NPHP3: variants seen among roughly 807,000 people sequenced by gnomAD.
The protein encoded by NPHP3 is nephrocystin-3.
In NPHP3, 123 loss-of-function variants were observed where a neutral mutation model predicts 171.9. That is an observed-to-expected ratio of 0.72 (90% CI 0.62 to 0.83). The LOEUF is 0.83. Ranked by LOEUF, NPHP3 falls within the 40% of genes least tolerant of loss-of-function variation. The pLI is 0.00. For synonymous variants in NPHP3, 558 were observed against 579.2 expected (o/e 0.96, Z 0.52); for missense variants, 1,506 against 1,591.9 (o/e 0.95, Z 0.92).
At chr3:132,701,975 G>A (rs1368036067) in intron 9 of NPHP3, among the ~76,000 whole-genome samples, 2 of 152,132 alleles carry the variant, frequency 1.3e-5, no homozygotes, top group African/African-American at 2.4e-5. Context: ...GCAGTGAGCC[G>A]AGACAGTGCC....
chr3:132,705,557 T>A (rs1049036731), intron 8 of NPHP3, 183 bp downstream of exon 8: 10 of 497,854 alleles, frequency 2.0e-5, no homozygotes, highest in East Asian at 1.3e-4. Context: ...ATAAAGATAT[T>A]AATACATGGT....
chr3:132,713,803 A>G (rs1939977062), intron 5 of NPHP3, among the ~76,000 whole-genome samples: 1 of 152,254 alleles, frequency 6.6e-6, no homozygotes, highest in Non-Finnish European at 1.5e-5. Context: ...GTCGTTGGGA[A>G]TAACATTTTC....
rs1194533497 is a variant in NPHP3 at position 132,700,033 on chromosome 3, G to T, written c.1772C>A (p.Ala591Asp). 6.2e-7 allele frequency: 1 copy of T among 1,613,990 alleles called. No homozygotes were observed. Reference protein sequence around the residue: ...KLMQHSWSVSALTLDPAKLLE... With the variant: ...KLMQHSWSVSDLTLDPAKLLE... ...AAGCTTAGCAGGATCCAGTGTCAGA[G>T]CAGAGACTGACCAAGAGTGCTGCAT... is the stretch of plus-strand genomic sequence containing the variant. The change falls in exon 12 of 27, where the codon GCT (alanine) becomes GAT (aspartate). Residue 591 changes from alanine (A) to aspartate (D), a missense_variant. Coordinates refer to ENST00000337331, the MANE Select transcript of NPHP3 (RefSeq NM_153240.5).
Position 132,686,387 on chromosome 3 carries a change from A to G in NPHP3, c.3202T>C (p.Tyr1068His), listed in dbSNP as rs777381620. ...CGTCTACGTAAAAGGGCAAATCCGTACTGCAGCAAACATGAAAAATGAAAA... is the reference window on the plus strand; with the variant it reads ...CGTCTACGTAAAAGGGCAAATCCGTGCTGCAGCAAACATGAAAAATGAAAA... ...QKAIKKKGNL[Y>H]GFALLRRRAL... is the part of the protein sequence containing the mutation. Residue 1068 changes from tyrosine to histidine, a missense_variant and splice_region_variant, in exon 23 of 27, where the codon TAC becomes CAC. By Grantham distance (83) the Tyr-to-His change is moderately conservative. Around this residue, in one of 3 missense-constraint regions of NPHP3, gnomAD observed 569 missense variants for 648.1 expected, o/e 0.88. Transcript: ENST00000337331. 6.2e-7 allele frequency: 1 copy of G among 1,613,996 alleles called. No homozygotes were observed. The highest frequency in any genetic ancestry group is 1.1e-5 in the South Asian group (1 of 91,082).
chr3:132,690,787 AG>A (rs1250946521), intron 18 of NPHP3, 137 bp from the exon 19 acceptor site: 2 of 884,250 alleles, frequency 2.3e-6, no homozygotes, highest in African/African-American at 1.7e-5. Context: ...ATACTAAAAA[AG>A]TTAGGTCAAA....
Position 132,718,998 on chromosome 3 carries a change from G to C in NPHP3, c.666C>G (p.Val222=). The change falls in exon 3 of 27, where the codon GTC becomes GTG. Residue 222 remains valine (V), a synonymous_variant. Coordinates refer to ENST00000337331, the MANE Select transcript of NPHP3 (RefSeq NM_153240.5). ...ESDSDDNCTD[V]TAAGTQCEYW... Reference sequence around the variant, plus strand: ...ATAAATAGGATATACACTTACCAGTGACATCTGTACAGTTGTCATCTGAAT... The same window carrying C: ...ATAAATAGGATATACACTTACCAGTCACATCTGTACAGTTGTCATCTGAAT... 1 of 1,614,070 alleles carries C rather than the reference G, an allele frequency of 6.2e-7. No individual in the cohort carries two copies. Among genetic ancestry groups the C allele is most frequent in the Non-Finnish European group, 8.5e-7 (1 of 1,179,970 alleles).
intron 15 of NPHP3, 44 bp from the exon 16 acceptor site, chr3:132,695,009 C>T (rs763931755): frequency 6.2e-6 from 10 of 1,604,934 alleles, no homozygotes; most frequent in East Asian, 4.5e-5. Flanking sequence ...AGATTGCCAA[C>T]ATCTGTGAAA....
intron 8 of NPHP3, 105 bp downstream of exon 8, chr3:132,705,635 C>A: frequency 1.5e-6 from 1 of 658,196 alleles, no homozygotes; most frequent in South Asian, 1.8e-5. Context: ...TCCTCAGGTA[C>A]TGTGTTCAAA....
rs774889708 is a variant in NPHP3, at chr3:132,684,564, T to A, written c.3560A>T (p.Tyr1187Phe). The change falls in exon 24 of 27, where the codon TAT becomes TTT. Residue 1187 changes from tyrosine to phenylalanine, a missense_variant. By Grantham distance (22) the Tyr-to-Phe change is conservative. Transcript: ENST00000337331. ...TCAAAGCTTACTTACCATTTTCTTA[T>A]ACAAGATGGCAAGATGCTTCACCGT... ...AYTVKHLAIL[Y>F]KKMGKLDKAV... is the part of the protein sequence containing the mutation. 5 of 1,613,914 alleles carry A rather than the reference T, an allele frequency of 3.1e-6. No individual in the cohort carries two copies. The Admixed American group carries it at 8.3e-5, about 27-fold the overall frequency.
In NPHP3 at chr3:132,719,036, G is replaced by C; in HGVS notation, c.628C>G (p.Pro210Ala). 6.2e-7 allele frequency: 1 copy of C among 1,613,998 alleles called. No individual in the cohort carries two copies. Among genetic ancestry groups the C allele is most frequent in the Non-Finnish European group, 8.5e-7 (1 of 1,179,954 alleles). Residue 210 changes from proline (P) to alanine (A), a missense_variant, in exon 3 of 27, where the codon CCT becomes GCT. This residue lies in a region of NPHP3 where 930 missense variants were observed against 924.9 expected (regional missense o/e 1.01). Coordinates refer to ENST00000337331, the MANE Select transcript of NPHP3 (RefSeq NM_153240.5). ...LQAQGIQVFDPGESDSDDNCT... is the reference protein window; with the variant it reads ...LQAQGIQVFDAGESDSDDNCT... Reference sequence around the variant, plus strand: ...TTGTCATCTGAATCAGACTCCCCAGGATCAAATACTTGGATACCCTGAGCC... The same window carrying C: ...TTGTCATCTGAATCAGACTCCCCAGCATCAAATACTTGGATACCCTGAGCC...
At position 132,683,914 on chromosome 3, in the gene NPHP3, G is replaced by C. The variant is rs575732151; in HGVS notation, c.3571-390C>G. Reference sequence around the variant, plus strand: ...ACCTGAAAGTTGGGCAGAAATAGCAGCAATGTACCCTTCTTACTAAAACAA... The same window carrying C: ...ACCTGAAAGTTGGGCAGAAATAGCACCAATGTACCCTTCTTACTAAAACAA... On this transcript the variant is annotated intron_variant, in intron 24 of 26. Coordinates refer to ENST00000337331, the MANE Select transcript of NPHP3 (RefSeq NM_153240.5). Among the ~76,000 whole-genome samples the C allele has an allele frequency of 2.0e-5, 3 of 146,516 alleles. No individual in the cohort carries two copies. In the South Asian group the frequency reaches 6.4e-4, roughly 31 times the overall value.
At chr3:132,712,521 C>T (rs1367600071) in intron 6 of NPHP3, 1 of 455,074 alleles carries the variant, frequency 2.2e-6, no homozygotes, top group South Asian at 1.6e-5. Context: ...AATCCCAGCA[C>T]TTTGGGAGGC....
rs1474613813 is a variant in NPHP3, at chr3:132,696,775, G to A, written c.2127C>T (p.Thr709=). The A allele has an allele frequency of 1.9e-6, 3 of 1,614,030 alleles. No individual in the cohort carries two copies. Among genetic ancestry groups the A allele is most frequent in the Non-Finnish European group, 2.5e-6 (3 of 1,180,024 alleles). ...AAAGGGTGACATAAAGGGCATTGCAGGTTGTAGCAGAACGACAGTGTCGTT... is the reference window on the plus strand; with the variant it reads ...AAAGGGTGACATAAAGGGCATTGCAAGTTGTAGCAGAACGACAGTGTCGTT... ...KLERHCRSAT[T]CNALYVTLFG... Residue 709 remains threonine, a synonymous_variant, in exon 15 of 27, where the codon ACC becomes ACT. Coordinates refer to ENST00000337331, the MANE Select transcript of NPHP3 (RefSeq NM_153240.5).
Position 132,721,763 on chromosome 3 carries a change from C to A in NPHP3, c.393+200G>T, listed in dbSNP as rs371795990. 1.2e-3 allele frequency: 901 copies of A among 764,616 alleles called. 24 individuals carry two copies. In the South Asian group the frequency reaches 0.012, roughly 11 times the overall value. 47.4% of individuals were successfully genotyped at this position (764,616 alleles called of 1,614,324 possible). A position where few individuals can be genotyped will look rare whatever the true frequency, so the allele number is the denominator to read the frequency against. The stretch of plus-strand genomic sequence containing the variant: ...TTGCAGTGAGCCGCGATCGTGCCAC[C>A]GCAGCGAGACCCTGTCTCCAAAAAA... On this transcript the variant is annotated intron_variant, in intron 1 of 26. Transcript: ENST00000337331.
At chr3:132,717,438 T>C (rs1265505513) in intron 3 of NPHP3, 2 of 156,574 alleles carry the variant, frequency 1.3e-5, no homozygotes, top group Non-Finnish European at 2.8e-5. Context: ...TAATCAATTA[T>C]ATTTGTCAGA....
intron 11 of NPHP3, 96 bp downstream of exon 11, chr3:132,700,238 A>G: frequency 8.7e-7 from 1 of 1,146,152 alleles, no homozygotes; most frequent in Admixed American, 1.9e-5. Context: ...ACAGGTGGAT[A>G]ATACTGAAAA....
chr3:132,712,767 A>G (rs1275843942), intron 6 of NPHP3, among the ~76,000 whole-genome samples: 1 of 149,782 alleles, frequency 6.7e-6, no homozygotes, highest in Non-Finnish European at 1.5e-5. Context: ...CTCTGTCTCA[A>G]AAAAAAAAGA....
In NPHP3 at chr3:132,686,281, T is replaced by C. The variant is rs754149900; in HGVS notation, c.3308A>G (p.Tyr1103Cys). ...ARTLNELGVL[Y>C]YLQNNLETAD... ...TCACTCCAGGTTATTTTGAAGATAG[T>C]AGAGAACACCCAGTTCATTGAGGGT... Residue 1103 changes from tyrosine to cysteine, a missense_variant, in exon 23 of 27, where the codon TAC becomes TGC. Physicochemically the swap from Tyr to Cys is radical, Grantham distance 194 (BLOSUM62 -2). Coordinates refer to ENST00000337331, the MANE Select transcript of NPHP3 (RefSeq NM_153240.5). The C allele has an allele frequency of 6.2e-7, 1 of 1,613,842 alleles. No individual in the cohort carries two copies.
In NPHP3 at chr3:132,708,214, C is replaced by G. The variant is rs745921209; in HGVS notation, c.1162G>C (p.Glu388Gln). The change falls in exon 7 of 27, where the codon GAA becomes CAA. Residue 388 changes from glutamate to glutamine, a missense_variant. Physicochemically the swap from Glu to Gln is conservative, Grantham distance 29. Around this residue, in one of 3 missense-constraint regions of NPHP3, gnomAD observed 930 missense variants for 924.9 expected, o/e 1.01. Transcript: ENST00000337331. Reference protein sequence around the residue: ...DCEEAFLKNPEGKPRLIFHRL... With the variant: ...DCEEAFLKNPQGKPRLIFHRL... ...TGAAAGATTAATCGAGGTTTTCCTT[C>G]AGGGTTTTTCAGAAAAGCTTCTTCA... is the stretch of plus-strand genomic sequence containing the variant. 1.2e-5 allele frequency: 20 copies of G among 1,614,164 alleles called. No individual in the cohort carries two copies. Among genetic ancestry groups the G allele is most frequent in the Non-Finnish European group, 1.7e-5 (20 of 1,180,024 alleles).
Sources: allele counts gnomAD v4.1 joint callset (sites outside exome capture counted in the v4.1 genomes callset), GRCh38; gene constraint gnomAD v4.1.1; regional missense constraint gnomAD v4.1.1; transcripts MANE v1.5; gene names NCBI Gene and HGNC (gene_info 2026-07-23, HGNC 2026-07-21).